SNCAIP: variants seen among roughly 807,000 people sequenced by gnomAD.
SNCAIP encodes the protein synuclein alpha interacting protein.
SNCAIP carries 43 observed loss-of-function variants against 86.7 expected under a neutral mutation model. That is an observed-to-expected ratio of 0.50 (90% CI 0.39 to 0.64). The LOEUF (loss-of-function observed/expected upper bound fraction) is 0.64, where lower values mean the gene tolerates loss of function less well. Among genes scored for constraint, SNCAIP ranks in the 30% least tolerant of loss-of-function variants. The pLI, the probability that SNCAIP is intolerant of heterozygous loss-of-function variation, is 0.00. For synonymous variants in SNCAIP, 417 were observed against 427.2 expected, an observed-to-expected ratio of 0.98 and a Z score of 0.29; for missense variants, 981 against 1,103.1, an observed-to-expected ratio of 0.89 and a Z score of 1.57.
chr5:122,441,635 C>T (rs1216965502), intron 7 of SNCAIP, among the ~76,000 whole-genome samples: 1 of 152,138 alleles, frequency 6.6e-6, no homozygotes, highest in Admixed American at 6.5e-5. Flanking sequence ...AGCTGCCATC[C>T]AAGTAGTGCA....
intron 1 of SNCAIP, among the ~76,000 whole-genome samples, chr5:122,345,025 G>A (rs985981726): frequency 1.3e-5 from 2 of 152,136 alleles, no homozygotes; most frequent in East Asian, 1.9e-4. Flanking sequence ...TACCAAATGT[G>A]TTCTGGTCTT....
At position 122,451,006 on chromosome 5, in the gene SNCAIP, T is replaced by C. The variant is rs1010416590; in HGVS notation, c.2159T>C (p.Met720Thr). ...GACAGCGCAGAAAGCCTGCACCTGA[T>C]GATTAAGAAACACACCTTGGCATCA... The part of the protein sequence containing the change: ...SMDSAESLHL[M>T]IKKHTLASGG... The change falls in exon 10 of 11, where the codon ATG becomes ACG. Residue 720 changes from methionine to threonine, a missense_variant. By Grantham distance (81) the Met-to-Thr change is moderately conservative. Coordinates refer to ENST00000261368, the MANE Select transcript of SNCAIP (RefSeq NM_005460.4). 3 of 1,614,066 alleles carry C rather than the reference T, an allele frequency of 1.9e-6. No individual in the cohort carries two copies. Among genetic ancestry groups the C allele is most frequent in the East Asian group, 2.2e-5 (1 of 44,890 alleles).
Position 122,451,425 on chromosome 5 carries a change from C to G in SNCAIP, c.2578C>G (p.Pro860Ala). 6.2e-7 allele frequency: 1 copy of G among 1,614,046 alleles called. No individual in the cohort carries two copies. The highest frequency in any genetic ancestry group is 8.5e-7 in the Non-Finnish European group (1 of 1,180,008). ...CGAATCGGGGGATCAACTGAAAAGG[C>G]CTTTTGGAGCCTTTCGATCTATCAT... ...SNESGDQLKR[P>A]FGAFRSIMET... Residue 860 changes from proline (P) to alanine (A), a missense_variant, in exon 10 of 11, where the codon CCT becomes GCT. Coordinates refer to ENST00000261368, the MANE Select transcript of SNCAIP (RefSeq NM_005460.4).
intron 1 of SNCAIP, among the ~76,000 whole-genome samples, chr5:122,320,986 A>T (rs1462186012): frequency 6.6e-6 from 1 of 152,020 alleles, no homozygotes; most frequent in Non-Finnish European, 1.5e-5. Context: ...CTCATTCCAT[A>T]GGCATTTCCC....
intron 1 of SNCAIP, among the ~76,000 whole-genome samples, chr5:122,346,548 C>CT (rs925359788): frequency 1.6e-4 from 24 of 151,938 alleles, no homozygotes; most frequent in African/African-American, 4.6e-4. Flanking sequence ...AAAACTTCCT[C>CT]TTTTCTCTTT....
At chr5:122,335,642 G>A (rs1756285829) in intron 1 of SNCAIP, among the ~76,000 whole-genome samples, 1 of 152,174 alleles carries the variant, frequency 6.6e-6, no homozygotes, top group Non-Finnish European at 1.5e-5. Context: ...TGGAAGGAAG[G>A]GAAGGAGTCA....
rs376200852 is a variant in SNCAIP at position 122,457,616 on chromosome 5, T to C, written c.2755-5875T>C. 3.3e-5 allele frequency among the ~76,000 whole-genome samples: 5 copies of C among 151,950 alleles called. No homozygotes were observed. In the South Asian group the frequency reaches 8.3e-4, roughly 25 times the overall value. ...CGCCAACTCTTTCTCTCTCTCTCACTCTCTCTCTCTTTCCTGCCTCCTCAT... is the reference window on the plus strand; with the variant it reads ...CGCCAACTCTTTCTCTCTCTCTCACCCTCTCTCTCTTTCCTGCCTCCTCAT... On this transcript the variant is annotated intron_variant, in intron 10 of 10. Transcript: ENST00000261368.
intron 3 of SNCAIP, among the ~76,000 whole-genome samples, chr5:122,410,656 C>T (rs950271137): frequency 2.6e-5 from 4 of 152,078 alleles, no homozygotes; most frequent in African/African-American, 7.3e-5. Context: ...AACCCTGTCT[C>T]CACTAAAAAC....
At chr5:122,377,375 T>G (rs1020770263) in intron 1 of SNCAIP, among the ~76,000 whole-genome samples, 3 of 152,156 alleles carry the variant, frequency 2.0e-5, no homozygotes, top group African/African-American at 7.2e-5. Context: ...TTATACATTC[T>G]TTTATCTTCT....
chr5:122,403,817 A>G lies in SNCAIP; in HGVS notation c.82A>G (p.Ile28Val), dbSNP rs779793258. ...ISYSVTSLKT[I>V]PELCRRCDTQ... ...GTATTCAGTCACATCACTCAAGACG[A>G]TCCCAGAACTGTGCCGAAGATGTGA... Residue 28 changes from isoleucine to valine, a missense_variant, in exon 3 of 11, where the codon ATC (isoleucine) becomes GTC (valine). Coordinates refer to ENST00000261368, the MANE Select transcript of SNCAIP (RefSeq NM_005460.4). 1.2e-6 allele frequency: 2 copies of G among 1,613,918 alleles called. No individual in the cohort carries two copies. Among genetic ancestry groups the G allele is most frequent in the Non-Finnish European group, 1.7e-6 (2 of 1,179,820 alleles).
chr5:122,401,024 A>C (rs548141394), intron 2 of SNCAIP: 18 of 1,550,134 alleles, frequency 1.2e-5, no homozygotes, highest in Non-Finnish European at 1.5e-5. Flanking sequence ...AAAAGCTTGG[A>C]TTGGAGGACA....
rs757815271 is a variant in SNCAIP at position 122,440,708 on chromosome 5, G to A, written c.1376G>A (p.Ser459Asn). Residue 459 changes from serine to asparagine, a missense_variant, in exon 7 of 11, where the codon AGT (serine) becomes AAT (asparagine). Coordinates refer to ENST00000261368, the MANE Select transcript of SNCAIP (RefSeq NM_005460.4). Reference protein sequence around the residue: ...SLDEVDQDGNSAVHVASQHGY... With the variant: ...SLDEVDQDGNNAVHVASQHGY... ...GATGAAGTAGACCAGGATGGCAACA[G>A]TGCCGTTCACGTAGCCTCACAGCAT... is the stretch of plus-strand genomic sequence containing the variant. 5 of 1,614,010 alleles carry A rather than the reference G, an allele frequency of 3.1e-6. No homozygotes were observed. Among genetic ancestry groups the A allele is most frequent in the Non-Finnish European group, 4.2e-6 (5 of 1,179,858 alleles).
At chr5:122,432,372 C>T (rs1778580198) in intron 6 of SNCAIP, among the ~76,000 whole-genome samples, 1 of 152,068 alleles carries the variant, frequency 6.6e-6, no homozygotes, top group Non-Finnish European at 1.5e-5. Context: ...TGATACAAAA[C>T]TGGTCCTATA....
intron 3 of SNCAIP, among the ~76,000 whole-genome samples, chr5:122,413,405 G>A (rs1194261254): frequency 2.6e-5 from 4 of 152,070 alleles, no homozygotes; most frequent in African/African-American, 4.8e-5. Context: ...AGTTTCTCAC[G>A]TAATTGGCTT....
chr5:122,327,111 C>T (rs1234569987), intron 1 of SNCAIP, among the ~76,000 whole-genome samples: 1 of 151,532 alleles, frequency 6.6e-6, no homozygotes, highest in African/African-American at 2.4e-5. Context: ...TTATTTTTTG[C>T]CTCAAGTGAA....
chr5:122,438,820 C>T (rs1780128385), intron 6 of SNCAIP, among the ~76,000 whole-genome samples: 1 of 152,118 alleles, frequency 6.6e-6, no homozygotes, highest in Admixed American at 6.5e-5. Context: ...TTTAGGAGTC[C>T]ATGATTTAAT....
chr5:122,364,562 T>G (rs1240542445), intron 1 of SNCAIP, among the ~76,000 whole-genome samples: 1 of 152,258 alleles, frequency 6.6e-6, no homozygotes, highest in Non-Finnish European at 1.5e-5. Context: ...GTGTTATTTG[T>G]ACCACCACAT....
chr5:122,343,252 A>G (rs1472000189), intron 1 of SNCAIP, among the ~76,000 whole-genome samples: 1 of 152,200 alleles, frequency 6.6e-6, no homozygotes, highest in African/African-American at 2.4e-5. Flanking sequence ...GTGGAGCTGA[A>G]CTGTTGCCCA....
chr5:122,313,829 T>C (rs564256106), intron 1 of SNCAIP, among the ~76,000 whole-genome samples: 2 of 152,326 alleles, frequency 1.3e-5, no homozygotes, highest in East Asian at 1.9e-4. Context: ...TAACTAAATA[T>C]GTATGCATTA....
Sources: gnomAD v4.1 joint callset for allele counts (sites outside exome capture counted in the v4.1 genomes callset) on GRCh38, gnomAD v4.1.1 for gene constraint, MANE v1.5 for transcripts, NCBI Gene and HGNC (gene_info 2026-07-23, HGNC 2026-07-21) for gene names.